Variants in ME3 observed in about 807,000 individuals in gnomAD.
ME3 encodes NADP-dependent malic enzyme, mitochondrial.
A neutral mutation model predicts 68.9 loss-of-function variants in ME3; 48 were observed. That is an observed-to-expected ratio of 0.70 (90% CI 0.55 to 0.89). The LOEUF (loss-of-function observed/expected upper bound fraction) is 0.89, where lower values mean the gene tolerates loss of function less well. ME3 is among the 40% of genes least tolerant of loss of function. The pLI, the probability that ME3 is intolerant of heterozygous loss-of-function variation, is 0.00. For synonymous variants in ME3, 320 were observed against 318.8 expected (o/e 1.00, Z -0.04); for missense variants, 675 against 797.4 (o/e 0.85, Z 1.85).
chr11:86,462,093 C>CA (rs1950250093), intron 8 of ME3, among the ~76,000 whole-genome samples: 1 of 152,170 alleles, frequency 6.6e-6, no homozygotes, highest in Non-Finnish European at 1.5e-5. Context: ...GTGGGGTACA[C>CA]ATGTGAATAT....
At chr11:86,573,928 T>C (rs572266399) in intron 2 of ME3, among the ~76,000 whole-genome samples, 1 of 152,300 alleles carries the variant, frequency 6.6e-6, no homozygotes, top group South Asian at 2.1e-4. Flanking sequence ...TGTGATATGT[T>C]GCGTTTATTG....
intron 7 of ME3, among the ~76,000 whole-genome samples, chr11:86,475,276 G>A (rs1351816981): frequency 1.3e-5 from 2 of 152,136 alleles, no homozygotes. Flanking sequence ...TTAAAAGTGT[G>A]TAGTACCTCC....
chr11:86,501,148 C>T (rs1293067717), intron 5 of ME3, among the ~76,000 whole-genome samples: 1 of 127,894 alleles, frequency 7.8e-6, no homozygotes, highest in Non-Finnish European at 1.7e-5. Context: ...GATAACTATT[C>T]TGAGCTTCAA....
intron 2 of ME3, among the ~76,000 whole-genome samples, chr11:86,600,404 A>G (rs1169458407): frequency 6.6e-6 from 1 of 152,214 alleles, no homozygotes; most frequent in Non-Finnish European, 1.5e-5. Flanking sequence ...AGAGCTAAAT[A>G]TCCTAAATAT....
chr11:86,606,405 G>A (rs909327910), intron 2 of ME3, among the ~76,000 whole-genome samples: 26 of 152,088 alleles, frequency 1.7e-4, no homozygotes, highest in Admixed American at 1.2e-3. Context: ...AGATGGGTGC[G>A]TCTCTGGCCA....
intron 7 of ME3, among the ~76,000 whole-genome samples, chr11:86,477,678 C>T (rs1951162330): frequency 6.6e-6 from 1 of 152,152 alleles, no homozygotes; most frequent in Non-Finnish European, 1.5e-5. Context: ...GTCATTGAAT[C>T]ATATCCCGAG....
intron 2 of ME3, among the ~76,000 whole-genome samples, chr11:86,616,550 A>G (rs1310749450): frequency 6.6e-6 from 1 of 152,234 alleles, no homozygotes; most frequent in Non-Finnish European, 1.5e-5. Context: ...CTAACAGTAC[A>G]AGCACATCTG....
At chr11:86,439,124 T>C (rs1948912564), downstream of ME3, among the ~76,000 whole-genome samples, 1 of 152,182 alleles carries the variant, frequency 6.6e-6, no homozygotes, top group African/African-American at 2.4e-5. Context: ...CAATCTACTT[T>C]ACTTAGTTTA....
intron 2 of ME3, among the ~76,000 whole-genome samples, chr11:86,659,138 A>G (rs561597912): frequency 6.6e-6 from 1 of 152,320 alleles, no homozygotes; most frequent in South Asian, 2.1e-4. Flanking sequence ...GCAACTGGGA[A>G]CTCACACAGT....
intron 6 of ME3, among the ~76,000 whole-genome samples, chr11:86,493,735 A>G (rs1287987468): frequency 6.6e-6 from 1 of 152,190 alleles, no homozygotes; most frequent in African/African-American, 2.4e-5. Context: ...TCTCCTTGGT[A>G]TTGGCAGGTA....
intron 2 of ME3, among the ~76,000 whole-genome samples, chr11:86,570,229 C>T (rs1271088313): frequency 6.6e-6 from 1 of 152,186 alleles, no homozygotes; most frequent in Non-Finnish European, 1.5e-5. Flanking sequence ...TATGCTATAA[C>T]CGGCTTCCTC....
chr11:86,556,954 C>T (rs970231488), intron 3 of ME3, among the ~76,000 whole-genome samples: 2 of 152,098 alleles, frequency 1.3e-5, no homozygotes, highest in East Asian at 1.9e-4. Flanking sequence ...CTTCCAATGG[C>T]TTGTGAAGTA....
intron 2 of ME3, among the ~76,000 whole-genome samples, chr11:86,576,336 G>A (rs1340972086): frequency 6.6e-6 from 1 of 152,144 alleles, no homozygotes; most frequent in Admixed American, 6.5e-5. Context: ...AGGCACTGCC[G>A]CCTCCCCTCT....
intron 4 of ME3, among the ~76,000 whole-genome samples, chr11:86,544,360 C>G (rs1317347634): frequency 6.6e-6 from 1 of 152,094 alleles, no homozygotes; most frequent in Admixed American, 6.5e-5. Context: ...ATCAATGAAT[C>G]CAGGAGCTGG....
intron 7 of ME3, among the ~76,000 whole-genome samples, chr11:86,475,027 A>G (rs752954162): frequency 1.3e-5 from 2 of 152,248 alleles, no homozygotes; most frequent in Non-Finnish European, 2.9e-5. Flanking sequence ...TGGTGACTTT[A>G]TGTGTCCATG....
At chr11:86,472,284 A>G (rs1418186917) in intron 7 of ME3, among the ~76,000 whole-genome samples, 5 of 152,186 alleles carry the variant, frequency 3.3e-5, no homozygotes, top group Non-Finnish European at 2.9e-5. Context: ...CACCCCTTTC[A>G]TGCCCATGTA....
chr11:86,644,022 T>A (rs1487328571), intron 2 of ME3, among the ~76,000 whole-genome samples: 1 of 152,138 alleles, frequency 6.6e-6, no homozygotes, highest in Non-Finnish European at 1.5e-5. Flanking sequence ...AATATTTGAT[T>A]TCCTTTTATT....
chr11:86,492,001 A>C (rs1210707542), intron 6 of ME3, among the ~76,000 whole-genome samples: 1 of 152,198 alleles, frequency 6.6e-6, no homozygotes, highest in Non-Finnish European at 1.5e-5. Flanking sequence ...GGGAAAGGAC[A>C]CTGCTGGTCC....
chr11:86,577,436 T>A (rs938714262), intron 2 of ME3, among the ~76,000 whole-genome samples: 18 of 152,208 alleles, frequency 1.2e-4, no homozygotes, highest in Non-Finnish European at 1.8e-4. Flanking sequence ...AGCCTGTTTA[T>A]TCATTCACTT....
Sources: gnomAD v4.1 joint callset for allele counts (sites outside exome capture counted in the v4.1 genomes callset) on GRCh38, gnomAD v4.1.1 for gene constraint, MANE v1.5 for transcripts, NCBI Gene and HGNC (gene_info 2026-07-23, HGNC 2026-07-21) for gene names.